EFCAB6: variants seen among roughly 807,000 people sequenced by gnomAD.
EFCAB6 encodes EF-hand calcium-binding domain-containing protein 6.
EFCAB6 carries 156 observed loss-of-function variants against 169.8 expected under a neutral mutation model. The ratio of observed to expected loss-of-function variants is 0.92; its 90% CI spans 0.81 to 1.05. EFCAB6 has a LOEUF of 1.05. EFCAB6 is among the 50% of genes least tolerant of loss of function. The probability of loss-of-function intolerance (pLI) is 0.00; values close to 1 mark genes in which losing one functional copy is unlikely to be tolerated. For missense variants in EFCAB6, 1,800 were observed against 1,829.1 expected, an observed-to-expected ratio of 0.98 and a Z score of 0.29; for synonymous variants, 698 against 676.4, an observed-to-expected ratio of 1.03 and a Z score of -0.50.
intron 6 of EFCAB6, among the ~76,000 whole-genome samples, chr22:43,751,613 A>G (rs1158381908): frequency 6.6e-6 from 1 of 152,226 alleles, no homozygotes; most frequent in Non-Finnish European, 1.5e-5. Context: ...AGGACACCAG[A>G]GAGAAAAGGG....
intron 10 of EFCAB6, 116 bp from the exon 11 acceptor site, chr22:43,687,697 TC>T (rs2058257316): frequency 1.8e-6 from 1 of 564,454 alleles, no homozygotes; most frequent in Non-Finnish European, 3.0e-6. Flanking sequence ...ATATGAAGTT[TC>T]AAATCTAATA....
intron 22 of EFCAB6, among the ~76,000 whole-genome samples, chr22:43,600,645 AG>A (rs1555956266): frequency 9.5e-6 from 1 of 104,836 alleles, no homozygotes; most frequent in East Asian, 3.4e-4. Flanking sequence ...TACGTTTAGC[AG>A]GGTTTTTTTT....
At chr22:43,762,756 A>C (rs1018435184) in intron 5 of EFCAB6, among the ~76,000 whole-genome samples, 8 of 152,230 alleles carry the variant, frequency 5.3e-5, no homozygotes, top group African/African-American at 1.9e-4. Context: ...CAAGTTTCAC[A>C]ATAAGGAAAA....
At chr22:43,636,775 TA>T (rs1425834793) in intron 17 of EFCAB6, among the ~76,000 whole-genome samples, 1 of 151,470 alleles carries the variant, frequency 6.6e-6, no homozygotes, top group Admixed American at 6.6e-5. Flanking sequence ...CACGCCCAGC[TA>T]ATTTTTTGTA....
chr22:43,592,658 T>G (rs1040115368), intron 23 of EFCAB6, among the ~76,000 whole-genome samples: 1 of 152,066 alleles, frequency 6.6e-6, no homozygotes, highest in African/African-American at 2.4e-5. Flanking sequence ...CTATGTCCAG[T>G]TCCTGGTCTG....
intron 30 of EFCAB6, among the ~76,000 whole-genome samples, chr22:43,534,151 G>A (rs2047248407): frequency 6.6e-6 from 1 of 152,194 alleles, no homozygotes; most frequent in Non-Finnish European, 1.5e-5. Context: ...TGTCAAGGGA[G>A]GGACCTGGTG....
intron 20 of EFCAB6, among the ~76,000 whole-genome samples, chr22:43,623,866 G>A (rs1807145): frequency 0.076 from 10,842 of 142,722 alleles, 545 homozygotes; most frequent in South Asian, 0.18. Flanking sequence ...CCGAGATTCC[G>A]CCACTGTACT....
At chr22:43,608,199 G>A (rs12484037) in intron 22 of EFCAB6, among the ~76,000 whole-genome samples, 9,566 of 152,226 alleles carry the variant, frequency 0.063, 363 homozygotes, top group Admixed American at 0.096. Context: ...CTGGGCTTGA[G>A]CTCCCAGGTC....
chr22:43,613,719 T>C (rs994716734), intron 21 of EFCAB6, among the ~76,000 whole-genome samples: 2 of 152,066 alleles, frequency 1.3e-5, no homozygotes, highest in Admixed American at 1.3e-4. Context: ...ACGGCATGAA[T>C]TTACTTATAT....
rs1305722677 is a variant in EFCAB6 at position 43,628,576 on chromosome 22, T to G, written c.2233-1897A>C. Reference sequence around the variant, plus strand: ...AGAGTCCAAGGCCAAGGCCTGGCCGTGGCCCACAAGCCTGTCTACACCCCC... The same window carrying G: ...AGAGTCCAAGGCCAAGGCCTGGCCGGGGCCCACAAGCCTGTCTACACCCCC... On this transcript the variant is annotated intron_variant, in intron 19 of 31. Coordinates refer to ENST00000262726, the MANE Select transcript of EFCAB6 (RefSeq NM_022785.4). This position sits in a 1 kb window ranked among gnomAD's most constrained non-coding sequence, Gnocchi z 4.8. Among the ~76,000 whole-genome samples the G allele has an allele frequency of 3.9e-5, 6 of 152,272 alleles. 1 individual carries two copies. In the South Asian group the frequency reaches 1.2e-3, roughly 32 times the overall value.
At chr22:43,709,888 G>A (rs937452822) in intron 10 of EFCAB6, among the ~76,000 whole-genome samples, 3 of 152,046 alleles carry the variant, frequency 2.0e-5, no homozygotes, top group African/African-American at 7.2e-5. Flanking sequence ...CACAGCATTC[G>A]TACATGGTGA....
chr22:43,666,002 G>A (rs1381292689), intron 17 of EFCAB6, among the ~76,000 whole-genome samples: 1 of 152,116 alleles, frequency 6.6e-6, no homozygotes, highest in Non-Finnish European at 1.5e-5. Context: ...TGGCTAGGCT[G>A]GTCTTGAACT....
chr22:43,593,019 G>T (rs1184014543), intron 23 of EFCAB6, among the ~76,000 whole-genome samples: 1 of 151,866 alleles, frequency 6.6e-6, no homozygotes, highest in Non-Finnish European at 1.5e-5. Context: ...AATGGAACAT[G>T]ACTCAAATCT....
At chr22:43,593,341 T>C (rs1429277047) in intron 23 of EFCAB6, among the ~76,000 whole-genome samples, 1 of 152,184 alleles carries the variant, frequency 6.6e-6, no homozygotes, top group Non-Finnish European at 1.5e-5. Flanking sequence ...TGCATGCCCA[T>C]GCTCCGTGTG....
intron 2 of EFCAB6, among the ~76,000 whole-genome samples, chr22:43,783,431 TC>T (rs2148045059): frequency 6.6e-6 from 1 of 152,212 alleles, no homozygotes; most frequent in South Asian, 2.1e-4. Context: ...ACCTCTCACC[TC>T]CAACTGACCT....
chr22:43,547,204 C>T (rs2048109315), intron 27 of EFCAB6, among the ~76,000 whole-genome samples: 1 of 152,048 alleles, frequency 6.6e-6, no homozygotes, highest in African/African-American at 2.4e-5. Context: ...GTCATGTGCC[C>T]TGTAGCGCTC....
At chr22:43,796,792 G>C (rs1466521846) in intron 2 of EFCAB6, among the ~76,000 whole-genome samples, 1 of 152,172 alleles carries the variant, frequency 6.6e-6, no homozygotes, top group African/African-American at 2.4e-5. Context: ...TGTTTTCCCA[G>C]CTTCAGGGTT....
At chr22:43,722,847 G>A (rs576726928) in intron 8 of EFCAB6, among the ~76,000 whole-genome samples, 2 of 152,060 alleles carry the variant, frequency 1.3e-5, no homozygotes, top group African/African-American at 4.8e-5. Context: ...ATGTGGTACG[G>A]ATATACCACA....
At chr22:43,730,025 A>G (rs1457134549) in intron 8 of EFCAB6, among the ~76,000 whole-genome samples, 1 of 149,992 alleles carries the variant, frequency 6.7e-6, no homozygotes, top group Non-Finnish European at 1.5e-5. Flanking sequence ...TTAGCCAGGC[A>G]TGGTGGTGCA....
Sources: gnomAD v4.1 joint callset for allele counts (sites outside exome capture counted in the v4.1 genomes callset) on GRCh38, gnomAD v4.1.1 for gene constraint, Gnocchi (gnomAD v3.1) non-coding constraint, MANE v1.5 for transcripts, NCBI Gene and HGNC (gene_info 2026-07-23, HGNC 2026-07-21) for gene names.